The following C5orf63 variants were observed in gnomAD, a reference collection of about 807,000 sequenced individuals.
The protein encoded by C5orf63 is glutaredoxin-like protein C5orf63.
A neutral mutation model predicts 13.3 loss-of-function variants in C5orf63; 18 were observed. The observed-to-expected ratio is 1.36, with a 90% confidence interval of 0.94 to 2.01. The LOEUF (loss-of-function observed/expected upper bound fraction) is 2.01. Among genes scored for constraint, C5orf63 ranks in the 30% most tolerant of loss-of-function variants. The pLI is 0.00. For missense variants in C5orf63, 118 were observed against 127.7 expected (o/e 0.92, Z 0.36); for synonymous variants, 38 against 44.7 (o/e 0.85, Z 0.60).
downstream of C5orf63, among the ~76,000 whole-genome samples, chr5:127,048,256 C>T (rs940781486): frequency 6.8e-6 from 1 of 146,110 alleles, no homozygotes; most frequent in African/African-American, 2.7e-5. Context: ...GACACACACA[C>T]ACACACACAC....
chr5:127,072,304 G>A (rs1754575447), intron 1 of C5orf63, among the ~76,000 whole-genome samples: 1 of 152,018 alleles, frequency 6.6e-6, no homozygotes, highest in Non-Finnish European at 1.5e-5. Context: ...AATATTTCCA[G>A]GGTGTATCTT....
intron 2 of C5orf63, among the ~76,000 whole-genome samples, chr5:127,065,262 A>G (rs1387026211): frequency 6.6e-6 from 1 of 152,220 alleles, no homozygotes; most frequent in Non-Finnish European, 1.5e-5. Flanking sequence ...ATAAGGGTTG[A>G]TCCCAACCCA....
chr5:127,057,045 A>G (rs1035801770), intron 3 of C5orf63, among the ~76,000 whole-genome samples: 5 of 152,202 alleles, frequency 3.3e-5, no homozygotes, highest in Admixed American at 1.3e-4. Context: ...ACCGAAGAAC[A>G]GTGCAGAACT....
At position 127,052,748 on chromosome 5, in the gene C5orf63, A is replaced by C. The variant is rs185437087; in HGVS notation, c.115-79T>G. 4.5e-3 allele frequency: 4,903 copies of C among 1,092,916 alleles called. 14 individuals carry two copies. The highest frequency in any genetic ancestry group is 5.3e-3 in the Non-Finnish European group (4,384 of 820,774). The allele number at this position is 1,092,916 out of a possible 1,614,324, so 67.7% of individuals were successfully genotyped here. Reference sequence around the variant, plus strand: ...TTACAAAAACAAAACAAAACAAAAAACCCATAAGAGGCAGATTATACTTAT... The same window carrying C: ...TTACAAAAACAAAACAAAACAAAAACCCCATAAGAGGCAGATTATACTTAT... On this transcript the variant is annotated intron_variant, in intron 3 of 4. Coordinates refer to ENST00000296662, the MANE Select transcript of C5orf63 (RefSeq NM_001164478.2).
At chr5:127,053,482 G>A (rs1265746311) in intron 3 of C5orf63, among the ~76,000 whole-genome samples, 4 of 151,400 alleles carry the variant, frequency 2.6e-5, no homozygotes, top group African/African-American at 4.9e-5. Context: ...TGTGCACAAC[G>A]TGCCGTTTTG....
chr5:127,061,851 G>T (rs914226679), intron 2 of C5orf63, among the ~76,000 whole-genome samples: 8 of 152,180 alleles, frequency 5.3e-5, no homozygotes, highest in African/African-American at 1.9e-4. Context: ...ATTAAAGGCA[G>T]AAGAATTAAC....
At chr5:127,054,187 G>T (rs1012129231) in intron 3 of C5orf63, among the ~76,000 whole-genome samples, 9 of 151,976 alleles carry the variant, frequency 5.9e-5, no homozygotes, top group Non-Finnish European at 1.2e-4. Flanking sequence ...TTTTAGACCT[G>T]GGGTCCACAG....
At chr5:127,056,042 AT>A (rs909553162) in intron 3 of C5orf63, among the ~76,000 whole-genome samples, 8 of 152,148 alleles carry the variant, frequency 5.3e-5, no homozygotes, top group African/African-American at 1.9e-4. Context: ...CATAGTGGGC[AT>A]TTGTTGGGTT....
downstream of C5orf63, among the ~76,000 whole-genome samples, chr5:127,050,325 C>T (rs1753629643): frequency 6.6e-6 from 1 of 151,928 alleles, no homozygotes; most frequent in South Asian, 2.1e-4. Context: ...TATTCAATTG[C>T]TAAGATTTTG....
chr5:127,052,658 G>C lies in C5orf63; in HGVS notation c.126C>G (p.Pro42=), dbSNP rs374041179. ...GTACTTCCTTGGCTTCATCACAAAG[G>C]GGGCATGGGTCCTACAGGAAGAAAA... The part of the protein sequence containing the change: ...VLTLFTKDPC[P]LCDEAKEVLK... Residue 42 remains proline (P), a synonymous_variant, in exon 4 of 5, where the codon CCC becomes CCG. Coordinates refer to ENST00000296662, the MANE Select transcript of C5orf63 (RefSeq NM_001164478.2). The C allele has an allele frequency of 3.3e-6, 5 of 1,507,612 alleles. No homozygotes were observed. The highest frequency in any genetic ancestry group is 4.4e-6 in the Non-Finnish European group (5 of 1,136,516). The allele number at this position is 1,507,612 out of a possible 1,614,324, so 93.4% of individuals were successfully genotyped here.
downstream of C5orf63, among the ~76,000 whole-genome samples, chr5:127,048,807 C>T (rs1253332569): frequency 6.6e-6 from 1 of 152,170 alleles, no homozygotes; most frequent in Non-Finnish European, 1.5e-5. Flanking sequence ...ACAAACGTCT[C>T]TAGGCTTTCT....
intron 3 of C5orf63, chr5:127,056,639 A>G (rs1753897220): frequency 6.6e-6 from 1 of 152,244 alleles, no homozygotes; most frequent in Admixed American, 6.5e-5. Flanking sequence ...TGGGAGCTAT[A>G]AGATGAGATT....
chr5:127,054,912 T>C (rs1332954946), intron 3 of C5orf63, among the ~76,000 whole-genome samples: 1 of 152,220 alleles, frequency 6.6e-6, no homozygotes, highest in Non-Finnish European at 1.5e-5. Flanking sequence ...TTAATTTTTG[T>C]ATAAGGTGTA....
chr5:127,055,189 AT>A (rs1753830677), intron 3 of C5orf63, among the ~76,000 whole-genome samples: 1 of 152,194 alleles, frequency 6.6e-6, no homozygotes, highest in Non-Finnish European at 1.5e-5. Flanking sequence ...GCCCAAGGTA[AT>A]TTATAGATTC....
At chr5:127,066,948 G>C (rs1303685574) in intron 2 of C5orf63, among the ~76,000 whole-genome samples, 5 of 152,144 alleles carry the variant, frequency 3.3e-5, no homozygotes, top group Non-Finnish European at 7.4e-5. Flanking sequence ...TGACAGAATT[G>C]TCCATTGTCA....
downstream of C5orf63, chr5:127,044,305 C>T (rs1047306888): frequency 2.0e-5 from 3 of 152,126 alleles, no homozygotes; most frequent in African/African-American, 7.2e-5. Context: ...AGCTGGCACT[C>T]CTATGTGCTG....
At chr5:127,068,134 C>T (rs1022322162) in intron 2 of C5orf63, among the ~76,000 whole-genome samples, 1 of 152,138 alleles carries the variant, frequency 6.6e-6, no homozygotes, top group Non-Finnish European at 1.5e-5. Flanking sequence ...CCACTTGTCC[C>T]ATTCTCTCAT....
rs1004392 is a variant in C5orf63, at chr5:127,052,302, A to G, written c.171+311T>C. 2,554 of 332,882 alleles carry G rather than the reference A, an allele frequency of 7.7e-3. 70 individuals carry two copies. The highest frequency in any genetic ancestry group is 0.049 in the African/African-American group (2,317 of 47,358). The allele number at this position is 332,882 out of a possible 1,614,324, so 20.6% of individuals were successfully genotyped here. On this transcript the variant is annotated intron_variant, in intron 4 of 4. Coordinates refer to ENST00000296662, the MANE Select transcript of C5orf63 (RefSeq NM_001164478.2). ...GTGATGGTGTGTTACGTGAAAACAC[A>G]TCAGTGCAAACTGCAAAACAAGATA...
intron 3 of C5orf63, among the ~76,000 whole-genome samples, chr5:127,054,872 C>T (rs984879103): frequency 1.3e-5 from 2 of 152,070 alleles, no homozygotes; most frequent in African/African-American, 4.8e-5. Flanking sequence ...GGTTTTAAGT[C>T]TAACATTTAA....
Sources: allele counts gnomAD v4.1 joint callset (sites outside exome capture counted in the v4.1 genomes callset), GRCh38; gene constraint gnomAD v4.1.1; transcripts MANE v1.5; gene names NCBI Gene and HGNC (gene_info 2026-07-23, HGNC 2026-07-21).